Variants in RBM7 observed in about 807,000 individuals in gnomAD.
RBM7 encodes RNA binding motif protein 7.
RBM7 carries 13 observed loss-of-function variants against 31.0 expected under a neutral mutation model. That is an observed-to-expected ratio of 0.42 (90% confidence interval 0.27 to 0.67). The LOEUF (loss-of-function observed/expected upper bound fraction) is 0.67, where lower values mean the gene tolerates loss of function less well. Among genes scored for constraint, RBM7 ranks in the 30% least tolerant of loss-of-function variants. The pLI is 0.24. For synonymous variants in RBM7, 106 were observed against 111.2 expected, an observed-to-expected ratio of 0.95 and a Z score of 0.30; for missense variants, 245 against 326.2, an observed-to-expected ratio of 0.75 and a Z score of 1.92.
At position 114,407,730 on chromosome 11, in the gene RBM7, CATG is replaced by C. The variant is rs758762577; in HGVS notation, c.732_734del (p.Asp245del). The stretch of plus-strand genomic sequence containing the variant: ...TGATTTCTTCTATGAAGACAGGAAT[CATG>C]ATGACTGGAGCCATGACTATGATAA... On this transcript the variant is annotated inframe_deletion, in exon 5 of 5. Transcript: ENST00000375490. The C allele has an allele frequency of 6.4e-5, 104 of 1,613,944 alleles. No individual in the cohort carries two copies. In the South Asian group the frequency reaches 1.1e-3, roughly 17 times the overall value.
In RBM7 at chr11:114,408,600, C is replaced by G. The variant is rs1369904137; in HGVS notation, c.*793C>G. ...TTTTTTGGAAAATAGATTCATGAAG[C>G]CTTTAAGTGCTGCTTCTGTCAGTCA... is the stretch of plus-strand genomic sequence containing the variant. On this transcript the variant is annotated 3_prime_UTR_variant, in exon 5 of 5. Coordinates refer to ENST00000375490, the MANE Select transcript of RBM7 (RefSeq NM_001286045.2). The G allele has an allele frequency of 6.6e-6, 1 of 152,588 alleles. No individual in the cohort carries two copies. The highest frequency in any genetic ancestry group is 2.1e-4 in the South Asian group (1 of 4,824). 9.5% of individuals were successfully genotyped at this position (152,588 alleles called of 1,614,324 possible).
At position 114,401,977 on chromosome 11, in the gene RBM7, T is replaced by TAAACTTTATATAGC; in HGVS notation, c.259+130_259+143dup. ...CTTCTTTCTTAAGCATTGTGAATAG[T>TAAACTTTATATAGC]AAACTTTATATAGCAAACTTTATAT... is the stretch of plus-strand genomic sequence containing the variant. On this transcript the variant is annotated intron_variant, in intron 2 of 4. Transcript: ENST00000375490. The TAAACTTTATATAGC allele has an allele frequency of 6.6e-6, 7 of 1,062,262 alleles. 1 individual carries two copies. Among genetic ancestry groups the TAAACTTTATATAGC allele is most frequent in the African/African-American group, 1.7e-5 (1 of 58,960 alleles). The allele number at this position is 1,062,262 out of a possible 1,614,324, so 65.8% of individuals were successfully genotyped here.
chr11:114,407,108 C>T (rs1341836664), intron 4 of RBM7: 2 of 182,812 alleles, frequency 1.1e-5, no homozygotes, highest in East Asian at 1.4e-4. Flanking sequence ...AATATTCCAT[C>T]CATTGTTTTA....
At position 114,407,362 on chromosome 11, in the gene RBM7, C is replaced by T; in HGVS notation, c.442-83C>T. On this transcript the variant is annotated intron_variant, in intron 4 of 4. Transcript: ENST00000375490. ...ATCTAGGCAAGAGTGACTTTATTTT[C>T]TTTCATTTTCTGTTAACTGACCAAA... 3 of 1,437,944 alleles carry T rather than the reference C, an allele frequency of 2.1e-6. No homozygotes were observed. The East Asian group carries it at 6.9e-5, about 33-fold the overall frequency. The allele number at this position is 1,437,944 out of a possible 1,614,324, so 89.1% of individuals were successfully genotyped here. A position where few individuals can be genotyped will look rare whatever the true frequency, so the allele number is the denominator to read the frequency against.
intron 3 of RBM7, 131 bp downstream of exon 3, chr11:114,403,046 T>C: frequency 1.2e-6 from 1 of 808,906 alleles, no homozygotes; most frequent in Non-Finnish European, 2.0e-6. Flanking sequence ...ACTTGCCTTT[T>C]GGGGTTGTTG....
chr11:114,402,743 T>C (rs1230553660), intron 2 of RBM7, 85 bp from the exon 3 acceptor site: 2 of 1,177,410 alleles, frequency 1.7e-6, no homozygotes, highest in Non-Finnish European at 2.5e-6. Context: ...TGTGTTTACC[T>C]TTTTGGAGTG....
chr11:114,407,810 C>T lies in RBM7; in HGVS notation c.*3C>T. The T allele has an allele frequency of 1.3e-6, 2 of 1,596,992 alleles. No individual in the cohort carries two copies. The highest frequency in any genetic ancestry group is 1.7e-6 in the Non-Finnish European group (2 of 1,173,964). The stretch of plus-strand genomic sequence containing the variant: ...AATGGCGCTCATCTCGACACTAACA[C>T]ATGTTAAAAGGACATTGTTTTTATA... On this transcript the variant is annotated 3_prime_UTR_variant, in exon 5 of 5. Transcript: ENST00000375490.
rs915059342 is a variant in RBM7, at chr11:114,404,141, G to A, written c.347+1226G>A. Among the ~76,000 whole-genome samples the A allele has an allele frequency of 5.3e-5, 8 of 152,278 alleles. No individual in the cohort carries two copies. The East Asian group carries it at 1.5e-3, about 29-fold the overall frequency. ...AAGGCAGTGAAATGTTTTAGGTAGGGTACTGATAGGAACAAGTTTATATTT... is the reference window on the plus strand; with the variant it reads ...AAGGCAGTGAAATGTTTTAGGTAGGATACTGATAGGAACAAGTTTATATTT... On this transcript the variant is annotated intron_variant, in intron 3 of 4. Coordinates refer to ENST00000375490, the MANE Select transcript of RBM7 (RefSeq NM_001286045.2).
intron 2 of RBM7, among the ~76,000 whole-genome samples, chr11:114,402,534 G>C (rs1192435817): frequency 6.6e-6 from 1 of 151,176 alleles, no homozygotes; most frequent in Non-Finnish European, 1.5e-5. Context: ...CTCCTGAGTA[G>C]CTGGGATTAC....
intron 1 of RBM7, 34 bp from the exon 2 acceptor site, chr11:114,401,655 CTTAGTTGCT>C: frequency 7.2e-7 from 1 of 1,393,514 alleles, no homozygotes; most frequent in Non-Finnish European, 9.5e-7. Flanking sequence ...AGTATTTTCC[CTTAGTTGCT>C]TTATTTAAAT....
chr11:114,407,364 T>C, intron 4 of RBM7, 81 bp from the exon 5 acceptor site: 1 of 1,455,562 alleles, frequency 6.9e-7, no homozygotes, highest in Non-Finnish European at 9.3e-7. Flanking sequence ...TTTATTTTCT[T>C]TCATTTTCTG....
In RBM7 at chr11:114,408,740, G is replaced by A. The variant is rs1258961016; in HGVS notation, c.*933G>A. ...ACCTTTGAAAGAGTTTAATCTTAAC[G>A]TTTTCTAATTTTAAAATTTTAAAAT... On this transcript the variant is annotated 3_prime_UTR_variant, in exon 5 of 5. Coordinates refer to ENST00000375490, the MANE Select transcript of RBM7 (RefSeq NM_001286045.2). The A allele has an allele frequency of 2.0e-5, 3 of 151,968 alleles. No homozygotes were observed. The highest frequency in any genetic ancestry group is 2.9e-5 in the Non-Finnish European group (2 of 67,950). 9.4% of individuals were successfully genotyped at this position (151,968 alleles called of 1,614,324 possible). A position where few individuals can be genotyped will look rare whatever the true frequency, so the allele number is the denominator to read the frequency against.
intron 3 of RBM7, among the ~76,000 whole-genome samples, chr11:114,403,585 A>C (rs972723009): frequency 6.6e-6 from 1 of 152,182 alleles, no homozygotes; most frequent in African/African-American, 2.4e-5. Flanking sequence ...TATATCCATA[A>C]AGCTATTTAA....
In RBM7 at chr11:114,408,379, T is replaced by C. The variant is rs913881870; in HGVS notation, c.*572T>C. The C allele has an allele frequency of 6.5e-6, 1 of 152,758 alleles. No individual in the cohort carries two copies. The highest frequency in any genetic ancestry group is 1.9e-4 in the East Asian group (1 of 5,318). The allele number at this position is 152,758 out of a possible 1,614,324, so 9.5% of individuals were successfully genotyped here. ...GAACATACATGTGTAGATTTACACA[T>C]ACTGTTTCATTCTAAAATTTAGAAA... is the stretch of plus-strand genomic sequence containing the variant. On this transcript the variant is annotated 3_prime_UTR_variant, in exon 5 of 5. Coordinates refer to ENST00000375490, the MANE Select transcript of RBM7 (RefSeq NM_001286045.2).
In RBM7 at chr11:114,407,879, T is replaced by G. The variant is rs1946288485; in HGVS notation, c.*72T>G. The G allele has an allele frequency of 2.0e-6, 3 of 1,478,508 alleles. No homozygotes were observed. Among genetic ancestry groups the G allele is most frequent in the Admixed American group, 4.5e-5 (2 of 44,886 alleles). The allele number at this position is 1,478,508 out of a possible 1,614,324, so 91.6% of individuals were successfully genotyped here. On this transcript the variant is annotated 3_prime_UTR_variant, in exon 5 of 5. Transcript: ENST00000375490. Reference sequence around the variant, plus strand: ...TGACTAAGTTGATATGGAAATATTTTGTTGAAAAACTGTACAGAGCAGCTT... The same window carrying G: ...TGACTAAGTTGATATGGAAATATTTGGTTGAAAAACTGTACAGAGCAGCTT...
At position 114,407,955 on chromosome 11, in the gene RBM7, C is replaced by G. The variant is rs982540562; in HGVS notation, c.*148C>G. 3.2e-6 allele frequency: 3 copies of G among 928,154 alleles called. No individual in the cohort carries two copies. In the African/African-American group the frequency reaches 5.0e-5, roughly 16 times the overall value. 57.5% of individuals were successfully genotyped at this position (928,154 alleles called of 1,614,324 possible). On this transcript the variant is annotated 3_prime_UTR_variant, in exon 5 of 5. Transcript: ENST00000375490. ...ATTTTTTTAAAGCTACAGTTTAATA[C>G]AAAATGAATTGCGGTTTTATTACAT...
rs1946308039 is a variant in RBM7 at position 114,409,228 on chromosome 11, C to G, written c.*1421C>G. 6.6e-6 allele frequency: 1 copy of G among 152,140 alleles called. No individual in the cohort carries two copies. The highest frequency in any genetic ancestry group is 2.4e-5 in the African/African-American group (1 of 41,416). 9.4% of individuals were successfully genotyped at this position (152,140 alleles called of 1,614,324 possible). On this transcript the variant is annotated 3_prime_UTR_variant, in exon 5 of 5. Transcript: ENST00000375490. ...GTAAATGTAGCTATTCAACTACTCA[C>G]TATAGAATTAAGATAAACAATTTGT...
rs1946318648 is a variant in RBM7, at chr11:114,410,168, T to C, written c.*2361T>C. 1.3e-5 allele frequency: 2 copies of C among 152,026 alleles called. No individual in the cohort carries two copies. Among genetic ancestry groups the C allele is most frequent in the African/African-American group, 4.8e-5 (2 of 41,370 alleles). The allele number at this position is 152,026 out of a possible 1,614,324, so 9.4% of individuals were successfully genotyped here. A position where few individuals can be genotyped will look rare whatever the true frequency, so the allele number is the denominator to read the frequency against. On this transcript the variant is annotated 3_prime_UTR_variant, in exon 5 of 5. Coordinates refer to ENST00000375490, the MANE Select transcript of RBM7 (RefSeq NM_001286045.2). Reference sequence around the variant, plus strand: ...AGAAAGGAAGAAGAGATTATTTTTGTGGGAGAACAGTTTCTCCCATAGTGT... The same window carrying C: ...AGAAAGGAAGAAGAGATTATTTTTGCGGGAGAACAGTTTCTCCCATAGTGT...
rs985317742 is a variant in RBM7, at chr11:114,410,123, A to G, written c.*2316A>G. The G allele has an allele frequency of 2.0e-5, 3 of 152,140 alleles. No individual in the cohort carries two copies. Among genetic ancestry groups the G allele is most frequent in the East Asian group, 1.9e-4 (1 of 5,180 alleles). 9.4% of individuals were successfully genotyped at this position (152,140 alleles called of 1,614,324 possible). On this transcript the variant is annotated 3_prime_UTR_variant, in exon 5 of 5. Transcript: ENST00000375490. ...ATTTCAGATTTGGGATGCTTCATCT[A>G]TATTGACAGCTGCAAGAACAGAAAG... is the stretch of plus-strand genomic sequence containing the variant.
Sources: allele counts gnomAD v4.1 joint callset (sites outside exome capture counted in the v4.1 genomes callset), GRCh38; gene constraint gnomAD v4.1.1; transcripts MANE v1.5; gene names NCBI Gene and HGNC (gene_info 2026-07-23, HGNC 2026-07-21).